KCND2: variants seen among roughly 807,000 people sequenced by gnomAD.
The protein encoded by KCND2 is A-type voltage-gated potassium channel KCND2.
In KCND2, 16 loss-of-function variants were observed where a neutral mutation model predicts 54.4. The ratio of observed to expected loss-of-function variants is 0.29; its 90% confidence interval spans 0.20 to 0.45. KCND2 has a LOEUF of 0.45. Ranked by LOEUF, KCND2 falls within the 20% of genes least tolerant of loss-of-function variation. KCND2 has a pLI of 1.00. For synonymous variants in KCND2, 317 were observed against 310.7 expected, an observed-to-expected ratio of 1.02 and a Z score of -0.21; for missense variants, 486 against 824.2, an observed-to-expected ratio of 0.59 and a Z score of 5.02.
chr7:120,660,791 C>T (rs529669488), intron 1 of KCND2, among the ~76,000 whole-genome samples: 1 of 152,228 alleles, frequency 6.6e-6, no homozygotes, highest in East Asian at 1.9e-4. Flanking sequence ...GAAATATATT[C>T]CTATTGCATA....
At chr7:120,713,246 A>G (rs978887968) in intron 1 of KCND2, among the ~76,000 whole-genome samples, 1 of 152,196 alleles carries the variant, frequency 6.6e-6, no homozygotes, top group Non-Finnish European at 1.5e-5. Context: ...TTCATGCACC[A>G]ACTCAGCCTC....
At chr7:120,312,888 T>G (rs143734213) in intron 1 of KCND2, among the ~76,000 whole-genome samples, 235 of 152,264 alleles carry the variant, frequency 1.5e-3, no homozygotes, top group African/African-American at 5.5e-3. Flanking sequence ...GGAAAACTTG[T>G]GACTTTTTTT....
chr7:120,624,030 G>C (rs2116504940), intron 1 of KCND2, among the ~76,000 whole-genome samples: 1 of 152,286 alleles, frequency 6.6e-6, no homozygotes. Context: ...TTTAAGCAGA[G>C]TCTGTGAAGT....
At chr7:120,498,255 G>A (rs1802878503) in intron 1 of KCND2, among the ~76,000 whole-genome samples, 1 of 152,142 alleles carries the variant, frequency 6.6e-6, no homozygotes, top group Admixed American at 6.5e-5. Flanking sequence ...GCCGAGGCGG[G>A]TGGATCAAGA....
intron 1 of KCND2, among the ~76,000 whole-genome samples, chr7:120,488,017 C>T: frequency 6.6e-6 from 1 of 151,238 alleles, no homozygotes; most frequent in Non-Finnish European, 1.5e-5. Flanking sequence ...CCCATCTATA[C>T]AAAAAAACAA....
chr7:120,370,892 A>G (rs1406780089), intron 1 of KCND2, among the ~76,000 whole-genome samples: 1 of 152,090 alleles, frequency 6.6e-6, no homozygotes, highest in Non-Finnish European at 1.5e-5. Flanking sequence ...GGAAAAAAAT[A>G]ACAGAGCTGG....
At chr7:120,291,902 C>T (rs1799440590) in intron 1 of KCND2, among the ~76,000 whole-genome samples, 1 of 151,784 alleles carries the variant, frequency 6.6e-6, no homozygotes, top group Non-Finnish European at 1.5e-5. Context: ...GACATTTGAA[C>T]CTGATTTTCC....
intron 1 of KCND2, among the ~76,000 whole-genome samples, chr7:120,307,072 A>T (rs958082389): frequency 2.0e-5 from 3 of 152,046 alleles, no homozygotes; most frequent in Non-Finnish European, 2.9e-5. Flanking sequence ...TTGCTTTTAA[A>T]ATTTATGCTG....
At chr7:120,479,962 C>CAAAAAAAAAA (rs35246643) in intron 1 of KCND2, among the ~76,000 whole-genome samples, 1 of 68,882 alleles carries the variant, frequency 1.5e-5, no homozygotes, top group East Asian at 2.8e-4. Flanking sequence ...GTAAGACTGT[C>CAAAAAAAAAA]AAAAAAAAAA....
intron 4 of KCND2, 97 bp from the exon 5 acceptor site, chr7:120,745,683 A>G (rs1375813572): frequency 5.4e-6 from 7 of 1,286,880 alleles, no homozygotes; most frequent in Middle Eastern, 3.8e-4. Flanking sequence ...AAGTCTAACT[A>G]TACTTGGGCA....
At chr7:120,727,917 C>T (rs1024561377) in intron 1 of KCND2, among the ~76,000 whole-genome samples, 2 of 151,920 alleles carry the variant, frequency 1.3e-5, no homozygotes, top group African/African-American at 4.8e-5. Context: ...CGGTGGATCA[C>T]AAAGTCAGGA....
At chr7:120,295,389 CACAG>C (rs1159468766) in intron 1 of KCND2, among the ~76,000 whole-genome samples, 67 of 127,366 alleles carry the variant, frequency 5.3e-4, no homozygotes, top group South Asian at 7.8e-4. Flanking sequence ...CACACACACA[CACAG>C]ACACACACAC....
chr7:120,545,831 G>A (rs527417545), intron 1 of KCND2, among the ~76,000 whole-genome samples: 75 of 151,088 alleles, frequency 5.0e-4, no homozygotes, highest in African/African-American at 1.7e-3. Flanking sequence ...AATAAATGAA[G>A]AATATGGTAT....
chr7:120,378,654 C>T (rs1289524263), intron 1 of KCND2, among the ~76,000 whole-genome samples: 1 of 151,926 alleles, frequency 6.6e-6, no homozygotes, highest in Non-Finnish European at 1.5e-5. Flanking sequence ...AAATGTGACT[C>T]TTTACTGGAT....
At chr7:120,511,645 A>G (rs1455584201) in intron 1 of KCND2, among the ~76,000 whole-genome samples, 1 of 152,242 alleles carries the variant, frequency 6.6e-6, no homozygotes, top group East Asian at 1.9e-4. Flanking sequence ...ATGTTGTTTT[A>G]GATTCTAACT....
At chr7:120,437,198 A>G (rs1801879469) in intron 1 of KCND2, among the ~76,000 whole-genome samples, 1 of 129,668 alleles carries the variant, frequency 7.7e-6, no homozygotes. Flanking sequence ...GACAATCAAT[A>G]TACAACTTTT....
intron 1 of KCND2, among the ~76,000 whole-genome samples, chr7:120,495,759 A>G (rs1313310731): frequency 1.3e-5 from 2 of 152,308 alleles, no homozygotes; most frequent in Admixed American, 6.5e-5. Context: ...TATCTCACCC[A>G]TGCCCTGCCC....
At chr7:120,598,240 A>T (rs1792771677) in intron 1 of KCND2, among the ~76,000 whole-genome samples, 1 of 152,148 alleles carries the variant, frequency 6.6e-6, no homozygotes, top group Non-Finnish European at 1.5e-5. Flanking sequence ...AATCGGTAGC[A>T]TCAGTGGGAA....
At chr7:120,729,017 A>G (rs2116133119) in intron 1 of KCND2, among the ~76,000 whole-genome samples, 1 of 152,314 alleles carries the variant, frequency 6.6e-6, no homozygotes, top group South Asian at 2.1e-4. Flanking sequence ...TAAGCTTTCT[A>G]TTCTAAGCCT....
Sources: gnomAD v4.1 joint callset for allele counts (sites outside exome capture counted in the v4.1 genomes callset) on GRCh38, gnomAD v4.1.1 for gene constraint, MANE v1.5 for transcripts, NCBI Gene and HGNC (gene_info 2026-07-23, HGNC 2026-07-21) for gene names.